ARNT2: variants seen among roughly 807,000 people sequenced by gnomAD.
ARNT2 encodes ARNT protein 2.
In ARNT2, 36 loss-of-function variants were observed where a neutral mutation model predicts 91.7. The observed-to-expected ratio is 0.39, with a 90% CI of 0.30 to 0.52. ARNT2 has a LOEUF of 0.52. ARNT2 is among the 20% of genes least tolerant of loss of function. ARNT2 has a pLI of 0.72. For missense variants in ARNT2, 775 were observed against 939.3 expected, an observed-to-expected ratio of 0.83 and a Z score of 2.29; for synonymous variants, 365 against 347.1, an observed-to-expected ratio of 1.05 and a Z score of -0.57.
intron 8 of ARNT2, 43 bp downstream of exon 8, chr15:80,514,448 C>T (rs746849719): frequency 6.5e-7 from 1 of 1,544,720 alleles, no homozygotes. Context: ...CTGGGTGCTG[C>T]TCATACCTGA....
chr15:80,498,256 C>G (rs1382690680), intron 5 of ARNT2, among the ~76,000 whole-genome samples: 1 of 152,176 alleles, frequency 6.6e-6, no homozygotes, highest in Non-Finnish European at 1.5e-5. Flanking sequence ...TCATTGCCCC[C>G]TACCCCTAAA....
intron 17 of ARNT2, 105 bp downstream of exon 17, chr15:80,581,509 A>C: frequency 1.4e-6 from 2 of 1,471,980 alleles, no homozygotes; most frequent in Non-Finnish European, 1.9e-6. Context: ...CTACCAAAAC[A>C]AGGTCTGGAG....
At position 80,574,195 on chromosome 15, in the gene ARNT2, G is replaced by T; in HGVS notation, c.1364G>T (p.Gly455Val). ...QAELEVHQRD[G>V]LSSYDLSQVP... is the part of the protein sequence containing the mutation. The stretch of plus-strand genomic sequence containing the variant: ...GAATTGGAAGTGCACCAGAGAGATG[G>T]ATTGTCATCGTATGACTTATCCCAG... The change falls in exon 13 of 19, where the codon GGA becomes GTA. Residue 455 changes from glycine (G) to valine (V), a missense_variant. Around this residue, in one of 5 missense-constraint regions of ARNT2, gnomAD observed 325 missense variants for 359.9 expected, o/e 0.90. Transcript: ENST00000303329. 1 of 1,614,196 alleles carries T rather than the reference G, an allele frequency of 6.2e-7. No homozygotes were observed. Among genetic ancestry groups the T allele is most frequent in the Non-Finnish European group, 8.5e-7 (1 of 1,180,034 alleles).
intron 8 of ARNT2, 52 bp from the exon 9 acceptor site, chr15:80,551,147 T>C: frequency 6.5e-7 from 1 of 1,547,708 alleles, no homozygotes; most frequent in Non-Finnish European, 8.9e-7. Context: ...CTTTTCTTCT[T>C]TCCCATTCAC....
chr15:80,525,009 C>T (rs753788339), intron 8 of ARNT2, among the ~76,000 whole-genome samples: 45 of 152,160 alleles, frequency 3.0e-4, no homozygotes, highest in Non-Finnish European at 5.1e-4. Context: ...AAAAATGATA[C>T]GGAGAATAGT....
intron 5 of ARNT2, among the ~76,000 whole-genome samples, chr15:80,503,838 C>T (rs1180970843): frequency 1.3e-5 from 2 of 152,186 alleles, no homozygotes; most frequent in Admixed American, 6.5e-5. Context: ...TAAAGATGTA[C>T]GTACCAGTAG....
chr15:80,552,572 C>T (rs982343983), intron 9 of ARNT2, 68 bp from the exon 10 acceptor site: 6 of 1,553,020 alleles, frequency 3.9e-6, no homozygotes, highest in Non-Finnish European at 5.3e-6. Context: ...TTATTCTTCT[C>T]ATCTCTGTCA....
At chr15:80,539,922 G>C (rs1406930949) in intron 8 of ARNT2, among the ~76,000 whole-genome samples, 1 of 151,772 alleles carries the variant, frequency 6.6e-6, no homozygotes, top group Non-Finnish European at 1.5e-5. Flanking sequence ...AAAGGAAACT[G>C]TTATACGCTG....
chr15:80,488,533 A>C (rs1897009022), intron 5 of ARNT2: 1 of 152,194 alleles, frequency 6.6e-6, no homozygotes, highest in Non-Finnish European at 1.5e-5. Flanking sequence ...CTCATTGTGC[A>C]TCAGAATTCT....
At chr15:80,541,628 T>C (rs1897907680) in intron 8 of ARNT2, among the ~76,000 whole-genome samples, 1 of 152,232 alleles carries the variant, frequency 6.6e-6, no homozygotes, top group Non-Finnish European at 1.5e-5. Context: ...CTTTAATCCG[T>C]CTTGACCATT....
At chr15:80,418,412 G>A (rs1895816455) in intron 1 of ARNT2, among the ~76,000 whole-genome samples, 1 of 152,136 alleles carries the variant, frequency 6.6e-6, no homozygotes, top group East Asian at 1.9e-4. Flanking sequence ...GCTTCCTCCT[G>A]TCCCTGTTGT....
At chr15:80,559,349 G>T (rs1395619202) in intron 11 of ARNT2, among the ~76,000 whole-genome samples, 1 of 151,718 alleles carries the variant, frequency 6.6e-6, no homozygotes, top group Admixed American at 6.6e-5. Context: ...CCCCAGCCCC[G>T]GCCACAGGGC....
intron 1 of ARNT2, chr15:80,441,348 A>G: frequency 1.0e-6 from 1 of 985,390 alleles, no homozygotes; most frequent in Non-Finnish European, 1.2e-6. Flanking sequence ...GTCACAAGGA[A>G]GAAAGATCTT....
intron 1 of ARNT2, among the ~76,000 whole-genome samples, chr15:80,420,585 A>T (rs978541439): frequency 1.3e-5 from 2 of 151,918 alleles, no homozygotes; most frequent in Non-Finnish European, 2.9e-5. Context: ...GAATATATAT[A>T]TTATGAACAT....
At chr15:80,435,721 C>T (rs1009866021) in intron 1 of ARNT2, among the ~76,000 whole-genome samples, 15 of 152,212 alleles carry the variant, frequency 9.9e-5, no homozygotes, top group African/African-American at 3.4e-4. Context: ...TTGAAATGGC[C>T]GTGGATCACT....
chr15:80,422,721 T>C (rs1214896854), intron 1 of ARNT2, among the ~76,000 whole-genome samples: 2 of 152,026 alleles, frequency 1.3e-5, no homozygotes, highest in Non-Finnish European at 2.9e-5. Context: ...AGTTTAGAAC[T>C]ATTAAACTTT....
intron 5 of ARNT2, among the ~76,000 whole-genome samples, chr15:80,483,246 T>C (rs1201971210): frequency 1.3e-5 from 2 of 152,250 alleles, no homozygotes; most frequent in African/African-American, 4.8e-5. Context: ...GGAACTTATA[T>C]ACTTCGATGC....
At chr15:80,420,954 A>C (rs1056528251) in intron 1 of ARNT2, among the ~76,000 whole-genome samples, 1 of 152,240 alleles carries the variant, frequency 6.6e-6, no homozygotes, top group Admixed American at 6.5e-5. Context: ...GCACATGCAC[A>C]CATGTTTATT....
chr15:80,482,878 A>G (rs1477127286), intron 5 of ARNT2, among the ~76,000 whole-genome samples: 1 of 152,214 alleles, frequency 6.6e-6, no homozygotes, highest in African/African-American at 2.4e-5. Context: ...ATCGTGATGC[A>G]TGTTAAAGTT....
Sources: allele counts gnomAD v4.1 joint callset (sites outside exome capture counted in the v4.1 genomes callset), GRCh38; gene constraint gnomAD v4.1.1; regional missense constraint gnomAD v4.1.1; transcripts MANE v1.5; gene names NCBI Gene and HGNC (gene_info 2026-07-23, HGNC 2026-07-21).